The following CLIC5 variants were observed in gnomAD, a reference collection of about 807,000 sequenced individuals.
CLIC5 encodes the protein chloride intracellular channel protein 5.
Under a neutral mutation model 24.7 loss-of-function variants are expected in CLIC5, and 20 were observed. The observed-to-expected ratio is 0.81, with a 90% CI of 0.57 to 1.18. The LOEUF (loss-of-function observed/expected upper bound fraction) is 1.18. CLIC5 is among the 50% of genes most tolerant of loss of function. The probability of loss-of-function intolerance (pLI) is 0.00; values close to 1 mark genes in which losing one functional copy is unlikely to be tolerated. For missense variants in CLIC5, 341 were observed against 326.1 expected (o/e 1.05, Z -0.35); for synonymous variants, 159 against 135.6 (o/e 1.17, Z -1.20).
chr6:45,957,815 T>G lies in CLIC5; in HGVS notation c.64-2571A>C, dbSNP rs568653108. ...CCTTGCGGCCCTAAGAAATTGTTTG[T>G]TAAACTCATGGGTTAAATATCGTGA... On this transcript the variant is annotated intron_variant, in intron 1 of 5. Coordinates refer to ENST00000339561, the MANE Select transcript of CLIC5 (RefSeq NM_016929.5). 3.7e-4 allele frequency among the ~76,000 whole-genome samples: 56 copies of G among 152,286 alleles called. 1 individual carries two copies. Among genetic ancestry groups the G allele is most frequent in the African/African-American group, 1.3e-3 (54 of 41,562 alleles).
intron 1 of CLIC5, among the ~76,000 whole-genome samples, chr6:46,027,225 G>T (rs575327500): frequency 2.0e-5 from 3 of 152,350 alleles, no homozygotes; most frequent in East Asian, 3.9e-4. Context: ...AGTGAAGGGG[G>T]TGAGGAAGCC....
intron 1 of CLIC5, among the ~76,000 whole-genome samples, chr6:45,972,774 C>T (rs1480852008): frequency 6.6e-6 from 1 of 152,212 alleles, no homozygotes; most frequent in Non-Finnish European, 1.5e-5. Flanking sequence ...CAGCAACAAT[C>T]GGAAGACCTT....
the CLIC5 span, among the ~76,000 whole-genome samples, chr6:46,120,785 G>A: frequency 6.6e-6 from 1 of 152,108 alleles, no homozygotes; most frequent in African/African-American, 2.4e-5. Flanking sequence ...CATGATGAAT[G>A]CACAAGCTTC....
At chr6:46,106,594 G>A in the CLIC5 span, among the ~76,000 whole-genome samples, 1 of 152,168 alleles carries the variant, frequency 6.6e-6, no homozygotes, top group Non-Finnish European at 1.5e-5. Context: ...TATTCAAATA[G>A]ATTGGTCTCC....
chr6:45,959,851 T>C (rs551723501), intron 1 of CLIC5, among the ~76,000 whole-genome samples: 1 of 152,324 alleles, frequency 6.6e-6, no homozygotes, highest in African/African-American at 2.4e-5. Flanking sequence ...AGAAGACATG[T>C]ATGCAAAGGT....
At chr6:46,083,447 T>G (rs1244435367), upstream of CLIC5, among the ~76,000 whole-genome samples, 1 of 152,226 alleles carries the variant, frequency 6.6e-6, no homozygotes, top group Non-Finnish European at 1.5e-5. Flanking sequence ...CTGCTTTGAA[T>G]GTGTCCCAGA....
the CLIC5 span, among the ~76,000 whole-genome samples, chr6:46,085,891 C>T: frequency 6.6e-6 from 1 of 152,248 alleles, no homozygotes; most frequent in Non-Finnish European, 1.5e-5. Flanking sequence ...CTGTGGTGGG[C>T]TCCACCCAGT....
chr6:45,941,611 C>T lies in CLIC5; in HGVS notation c.342G>A (p.Ala114=), dbSNP rs149700111. The T allele has an allele frequency of 7.7e-5, 125 of 1,613,738 alleles. No individual in the cohort carries two copies. Among genetic ancestry groups the T allele is most frequent in the Non-Finnish European group, 9.2e-5 (109 of 1,179,938 alleles). Residue 114 remains alanine (A), a synonymous_variant, in exon 4 of 6, where the codon GCG becomes GCA. Coordinates refer to ENST00000339561, the MANE Select transcript of CLIC5 (RefSeq NM_016929.5). ...AAAACTTGGAAAAGATGTCGATGCC[C>T]GCTGTGTTGGATTCCCGGTGTTTTG... ...LAAKHRESNT[A]GIDIFSKFSA...
At chr6:45,975,870 G>C (rs1218181475) in intron 1 of CLIC5, among the ~76,000 whole-genome samples, 1 of 152,098 alleles carries the variant, frequency 6.6e-6, no homozygotes, top group Non-Finnish European at 1.5e-5. Flanking sequence ...CTTAATTTAT[G>C]TTGTAAATTA....
chr6:45,897,937 C>T (rs7747739), downstream of CLIC5, among the ~76,000 whole-genome samples: 1 of 151,754 alleles, frequency 6.6e-6, no homozygotes, highest in East Asian at 1.9e-4. Flanking sequence ...TTTTACCTAG[C>T]CCAGGTATTA....
At chr6:46,096,046 G>A in the CLIC5 span, among the ~76,000 whole-genome samples, 1 of 152,170 alleles carries the variant, frequency 6.6e-6, no homozygotes, top group Non-Finnish European at 1.5e-5. Flanking sequence ...ATCTACTTCT[G>A]GGGAGGCCTC....
chr6:45,906,185 G>T (rs894276367), intron 5 of CLIC5, among the ~76,000 whole-genome samples: 12 of 152,122 alleles, frequency 7.9e-5, no homozygotes, highest in Non-Finnish European at 1.5e-4. Context: ...GGTGGCTTTG[G>T]CTATTCCGGC....
chr6:45,997,575 C>T (rs944133793), intron 1 of CLIC5, among the ~76,000 whole-genome samples: 6 of 150,840 alleles, frequency 4.0e-5, no homozygotes, highest in East Asian at 1.9e-4. Context: ...GCCTAAGAAG[C>T]GTGTTCAAAT....
chr6:46,088,161 C>CTCTGTGTGTGTGTG, the CLIC5 span, among the ~76,000 whole-genome samples: 1 of 146,340 alleles, frequency 6.8e-6, no homozygotes, highest in South Asian at 2.2e-4. Context: ...CGCTCTCTTT[C>CTCTGTGTGTGTGTG]TGTGTGTGTG....
chr6:45,998,234 C>G (rs556627826), intron 1 of CLIC5, among the ~76,000 whole-genome samples: 15 of 152,296 alleles, frequency 9.8e-5, no homozygotes, highest in Non-Finnish European at 1.6e-4. Flanking sequence ...TGAGTTCCCA[C>G]TAGGGAAGTG....
At chr6:46,048,355 C>T (rs924071770) in intron 1 of CLIC5, among the ~76,000 whole-genome samples, 13 of 152,152 alleles carry the variant, frequency 8.5e-5, no homozygotes, top group African/African-American at 3.1e-4. Flanking sequence ...AGGAGGGCTC[C>T]TTAAAAGCAT....
Position 45,941,552 on chromosome 6 carries a change from T to C in CLIC5, c.401A>G (p.Asn134Ser). 1 of 1,609,596 alleles carries C rather than the reference T, an allele frequency of 6.2e-7. No individual in the cohort carries two copies. The highest frequency in any genetic ancestry group is 8.5e-7 in the Non-Finnish European group (1 of 1,176,040). The change falls in exon 4 of 6, where the codon AAT (asparagine) becomes AGT (serine). Residue 134 changes from asparagine (N) to serine (S), a missense_variant. Transcript: ENST00000339561. ...GGTGGAAGGGAGTCACTCACCAGCA[T>C]TGTTCTGCTGCTTGGTATTTTTGAT... is the stretch of plus-strand genomic sequence containing the variant. Reference protein sequence around the residue: ...AYIKNTKQQNNAALERGLTKA... With the variant: ...AYIKNTKQQNSAALERGLTKA...
the CLIC5 span, among the ~76,000 whole-genome samples, chr6:46,104,491 T>C: frequency 6.6e-6 from 1 of 151,832 alleles, no homozygotes; most frequent in East Asian, 1.9e-4. Flanking sequence ...TGTTAGTCTA[T>C]GGCAACAAGA....
At chr6:46,109,166 T>C in the CLIC5 span, among the ~76,000 whole-genome samples, 1 of 152,192 alleles carries the variant, frequency 6.6e-6, no homozygotes, top group Non-Finnish European at 1.5e-5. Context: ...TCTAAGTATT[T>C]TGTCACCCAT....
Sources: gnomAD v4.1 joint callset for allele counts (sites outside exome capture counted in the v4.1 genomes callset) on GRCh38, gnomAD v4.1.1 for gene constraint, MANE v1.5 for transcripts, NCBI Gene and HGNC (gene_info 2026-07-23, HGNC 2026-07-21) for gene names.